AFG2A: variants seen among roughly 807,000 people sequenced by gnomAD.
The protein encoded by AFG2A is AAA ATPase AFG2A.
the AFG2A span, among the ~76,000 whole-genome samples, chr4:123,071,363 CCAG>C: frequency 6.6e-6 from 1 of 152,106 alleles, no homozygotes; most frequent in Non-Finnish European, 1.5e-5. Flanking sequence ...GCCTGTAATC[CCAG>C]CTACTCGGGA....
chr4:123,236,550 C>T, the AFG2A span, among the ~76,000 whole-genome samples: 2 of 152,196 alleles, frequency 1.3e-5, no homozygotes, highest in African/African-American at 4.8e-5. Context: ...GTCTTACATT[C>T]TGCCACAGAA....
chr4:122,929,031 G>C, the AFG2A span: 14 of 1,611,074 alleles, frequency 8.7e-6, no homozygotes, highest in Admixed American at 5.1e-5. Context: ...TATTTCCTCT[G>C]TCTGGCAGGT....
At chr4:122,990,364 C>A in the AFG2A span, among the ~76,000 whole-genome samples, 1 of 152,168 alleles carries the variant, frequency 6.6e-6, no homozygotes, top group Non-Finnish European at 1.5e-5. Context: ...AAAACTCTAC[C>A]ATTAGAATTA....
chr4:123,297,724 AAAAAAGAAAAG>A, the AFG2A span, among the ~76,000 whole-genome samples: 2 of 151,578 alleles, frequency 1.3e-5, no homozygotes, highest in African/African-American at 4.8e-5. Flanking sequence ...ATCTCAAAAA[AAAAAAGAAAAG>A]AAAAAAGAAA....
chr4:123,254,384 T>C, the AFG2A span, among the ~76,000 whole-genome samples: 1 of 152,174 alleles, frequency 6.6e-6, no homozygotes, highest in South Asian at 2.1e-4. Flanking sequence ...CCTTTTTGAG[T>C]GCCTTAAAAT....
the AFG2A span, among the ~76,000 whole-genome samples, chr4:123,040,881 T>C: frequency 6.6e-6 from 1 of 152,146 alleles, no homozygotes; most frequent in Non-Finnish European, 1.5e-5. Flanking sequence ...ACATGATTGC[T>C]TACAGTTTAA....
At chr4:123,192,130 G>A in the AFG2A span, among the ~76,000 whole-genome samples, 1 of 151,870 alleles carries the variant, frequency 6.6e-6, no homozygotes, top group African/African-American at 2.4e-5. Flanking sequence ...GGACTCAAGC[G>A]ATTCTCGTGC....
chr4:122,964,371 G>A, the AFG2A span, among the ~76,000 whole-genome samples: 4 of 151,950 alleles, frequency 2.6e-5, no homozygotes, highest in Non-Finnish European at 1.5e-5. Context: ...GGGTGTGGTG[G>A]CACATGCCTG....
the AFG2A span, among the ~76,000 whole-genome samples, chr4:123,242,506 C>G: frequency 6.6e-6 from 1 of 152,110 alleles, no homozygotes; most frequent in Non-Finnish European, 1.5e-5. Flanking sequence ...GGAAAGGATT[C>G]CCTATTTAAT....
At chr4:123,023,619 G>A in the AFG2A span, among the ~76,000 whole-genome samples, 1 of 152,036 alleles carries the variant, frequency 6.6e-6, no homozygotes, top group Non-Finnish European at 1.5e-5. Flanking sequence ...TTTCCACACA[G>A]GCCTTGATAG....
At chr4:123,253,428 G>A in the AFG2A span, among the ~76,000 whole-genome samples, 1 of 150,822 alleles carries the variant, frequency 6.6e-6, no homozygotes, top group Non-Finnish European at 1.5e-5. Flanking sequence ...AGGTTGCAGT[G>A]AGCAAAGACT....
the AFG2A span, among the ~76,000 whole-genome samples, chr4:122,924,034 G>A: frequency 2.0e-4 from 31 of 152,188 alleles, no homozygotes; most frequent in African/African-American, 7.5e-4. Context: ...TATATTTGAT[G>A]TGTAATAGCT....
At chr4:123,270,066 C>T in the AFG2A span, among the ~76,000 whole-genome samples, 1 of 152,178 alleles carries the variant, frequency 6.6e-6, no homozygotes, top group Non-Finnish European at 1.5e-5. Flanking sequence ...CTGCCCGCCT[C>T]GGCCTCCCAA....
the AFG2A span, among the ~76,000 whole-genome samples, chr4:122,976,691 C>T: frequency 6.6e-6 from 1 of 152,160 alleles, no homozygotes; most frequent in Non-Finnish European, 1.5e-5. Context: ...AAGTTTGCTT[C>T]GCTCTTGTAT....
the AFG2A span, among the ~76,000 whole-genome samples, chr4:123,087,942 T>C: frequency 6.6e-6 from 1 of 152,144 alleles, no homozygotes; most frequent in East Asian, 1.9e-4. Context: ...AACAATGCTG[T>C]CCTTTTATTG....
the AFG2A span, among the ~76,000 whole-genome samples, chr4:123,138,667 A>G: frequency 1.3e-5 from 2 of 152,126 alleles, no homozygotes; most frequent in Non-Finnish European, 2.9e-5. Context: ...TTTTGTAATC[A>G]TAACAGCGTA....
the AFG2A span, among the ~76,000 whole-genome samples, chr4:123,299,840 A>C: frequency 1.3e-5 from 2 of 152,224 alleles, no homozygotes; most frequent in Non-Finnish European, 2.9e-5. Context: ...TAATTCTTCA[A>C]GTATACCAAC....
the AFG2A span, among the ~76,000 whole-genome samples, chr4:123,208,703 G>T: frequency 2.0e-5 from 3 of 152,244 alleles, no homozygotes; most frequent in East Asian, 5.8e-4. Context: ...AGACAATAGA[G>T]GTGTTAGGAA....
the AFG2A span, among the ~76,000 whole-genome samples, chr4:123,101,171 T>G: frequency 6.6e-6 from 1 of 151,816 alleles, no homozygotes; most frequent in Non-Finnish European, 1.5e-5. Context: ...TAGTTCAAGA[T>G]CCCCAATCTA....
Sources: gnomAD v4.1 joint callset for allele counts (sites outside exome capture counted in the v4.1 genomes callset) on GRCh38, gnomAD v4.1.1 for gene constraint, MANE v1.5 for transcripts, NCBI Gene and HGNC (gene_info 2026-07-23, HGNC 2026-07-21) for gene names.